The following GULP1 variants were observed in gnomAD, a reference collection of about 807,000 sequenced individuals.
GULP1 encodes GULP PTB domain containing engulfment adaptor 1.
In GULP1, 19 loss-of-function variants were observed where a neutral mutation model predicts 40.9. The ratio of observed to expected loss-of-function variants is 0.46; its 90% CI spans 0.32 to 0.68. The LOEUF (loss-of-function observed/expected upper bound fraction) is 0.68. Among genes scored for constraint, GULP1 ranks in the 30% least tolerant of loss-of-function variants. The probability of loss-of-function intolerance (pLI) is 0.03; values close to 1 mark genes in which losing one functional copy is unlikely to be tolerated. For missense variants in GULP1, 312 were observed against 362.2 expected, an observed-to-expected ratio of 0.86 and a Z score of 1.12; for synonymous variants, 119 against 117.6, an observed-to-expected ratio of 1.01 and a Z score of -0.08.
intron 2 of GULP1, among the ~76,000 whole-genome samples, chr2:188,409,413 C>A (rs1319794694): frequency 6.6e-6 from 1 of 152,066 alleles, no homozygotes; most frequent in Non-Finnish European, 1.5e-5. Context: ...CAGGAATCAA[C>A]AGAAAATCTG....
At chr2:188,462,923 A>T (rs2059824449) in intron 2 of GULP1, among the ~76,000 whole-genome samples, 1 of 152,116 alleles carries the variant, frequency 6.6e-6, no homozygotes, top group Non-Finnish European at 1.5e-5. Flanking sequence ...CCATAACTTC[A>T]TACCCGTTTT....
chr2:188,468,900 T>C (rs1253400634), intron 2 of GULP1, among the ~76,000 whole-genome samples: 1 of 151,932 alleles, frequency 6.6e-6, no homozygotes, highest in East Asian at 1.9e-4. Context: ...GGGTAAGCAG[T>C]GAAGTGTTTT....
chr2:188,304,438 T>A (rs953905466), intron 1 of GULP1, among the ~76,000 whole-genome samples: 3 of 152,214 alleles, frequency 2.0e-5, no homozygotes, highest in African/African-American at 7.2e-5. Flanking sequence ...TCATGTTAAA[T>A]GTTTTTTACA....
At chr2:188,513,159 CTT>C (rs199732040) in intron 4 of GULP1, among the ~76,000 whole-genome samples, 1,825 of 152,064 alleles carry the variant, frequency 0.012, 14 homozygotes, top group East Asian at 0.023. Flanking sequence ...TTATCAGAGT[CTT>C]TATAGAAGAT....
intron 2 of GULP1, among the ~76,000 whole-genome samples, chr2:188,454,434 A>G (rs1357267204): frequency 6.6e-6 from 1 of 152,144 alleles, no homozygotes; most frequent in Non-Finnish European, 1.5e-5. Flanking sequence ...AGGGAAGGAT[A>G]GGTATATGTA....
intron 1 of GULP1, among the ~76,000 whole-genome samples, chr2:188,363,656 C>G (rs745557218): frequency 1.3e-5 from 2 of 152,116 alleles, no homozygotes; most frequent in Non-Finnish European, 2.9e-5. Flanking sequence ...CATTTTAACA[C>G]TCTTTTGAAA....
intron 4 of GULP1, among the ~76,000 whole-genome samples, chr2:188,510,142 G>A (rs891407494): frequency 1.3e-5 from 2 of 152,056 alleles, no homozygotes; most frequent in African/African-American, 4.8e-5. Context: ...GAGGGCACTT[G>A]AAATATCAGG....
At chr2:188,585,762 C>T (rs182086452) in intron 10 of GULP1, among the ~76,000 whole-genome samples, 34 of 152,326 alleles carry the variant, frequency 2.2e-4, no homozygotes, top group African/African-American at 7.9e-4. Flanking sequence ...ATGGGAGGGG[C>T]TGCCGCAGAT....
At chr2:188,388,584 A>G (rs1559181132) in intron 2 of GULP1, among the ~76,000 whole-genome samples, 1 of 152,006 alleles carries the variant, frequency 6.6e-6, no homozygotes, top group East Asian at 1.9e-4. Flanking sequence ...AGTTTAATTT[A>G]AAAGTGATAT....
At chr2:188,372,124 C>T (rs946544392) in intron 1 of GULP1, among the ~76,000 whole-genome samples, 1 of 152,194 alleles carries the variant, frequency 6.6e-6, no homozygotes, top group East Asian at 1.9e-4. Context: ...GCAGTATTAT[C>T]TTCATTAACT....
chr2:188,296,785 A>G (rs939549007), intron 1 of GULP1, among the ~76,000 whole-genome samples: 1 of 151,928 alleles, frequency 6.6e-6, no homozygotes, highest in Non-Finnish European at 1.5e-5. Flanking sequence ...CCTTTATTTC[A>G]TGTTTGTTTT....
At chr2:188,556,123 G>T (rs1243781881) in intron 7 of GULP1, among the ~76,000 whole-genome samples, 1 of 151,940 alleles carries the variant, frequency 6.6e-6, no homozygotes, top group Non-Finnish European at 1.5e-5. Context: ...CATGAAATGG[G>T]TTTTCTAATC....
At chr2:188,410,495 G>A (rs1349426533) in intron 2 of GULP1, among the ~76,000 whole-genome samples, 1 of 152,078 alleles carries the variant, frequency 6.6e-6, no homozygotes, top group African/African-American at 2.4e-5. Context: ...AAACTCAATG[G>A]CAAAGAAACA....
chr2:188,472,932 G>A (rs1448553256), intron 2 of GULP1, among the ~76,000 whole-genome samples: 1 of 152,122 alleles, frequency 6.6e-6, no homozygotes, highest in African/African-American at 2.4e-5. Context: ...TCCTTCTTGG[G>A]AAAGCTTTTC....
At chr2:188,300,827 G>T (rs1241066338) in intron 1 of GULP1, among the ~76,000 whole-genome samples, 1 of 152,032 alleles carries the variant, frequency 6.6e-6, no homozygotes, top group Non-Finnish European at 1.5e-5. Flanking sequence ...GAAGTTCCAG[G>T]GATGGGTCTA....
At chr2:188,562,268 G>T (rs1399936116) in intron 7 of GULP1, among the ~76,000 whole-genome samples, 1 of 152,136 alleles carries the variant, frequency 6.6e-6, no homozygotes, top group African/African-American at 2.4e-5. Context: ...AGCATTGAGG[G>T]GCTGTCCCTT....
At chr2:188,543,630 GC>G (rs1691131283) in intron 7 of GULP1, among the ~76,000 whole-genome samples, 1 of 152,012 alleles carries the variant, frequency 6.6e-6, no homozygotes, top group Admixed American at 6.6e-5. Context: ...ATAAGTTATG[GC>G]CTATCTCATA....
chr2:188,555,559 T>C (rs1276715402), intron 7 of GULP1, among the ~76,000 whole-genome samples: 1 of 152,220 alleles, frequency 6.6e-6, no homozygotes, highest in African/African-American at 2.4e-5. Context: ...CTGTAAATGC[T>C]TTTGCTGAGA....
intron 2 of GULP1, among the ~76,000 whole-genome samples, chr2:188,460,380 C>G (rs1407674313): frequency 6.7e-6 from 1 of 148,654 alleles, no homozygotes; most frequent in African/African-American, 2.5e-5. Context: ...TAAGTTAATT[C>G]CTAGGTATTT....
Sources: gnomAD v4.1 joint callset for allele counts (sites outside exome capture counted in the v4.1 genomes callset) on GRCh38, gnomAD v4.1.1 for gene constraint, MANE v1.5 for transcripts, NCBI Gene and HGNC (gene_info 2026-07-23, HGNC 2026-07-21) for gene names.